Variants in PSTK observed in about 807,000 individuals in gnomAD.
PSTK encodes the protein L-seryl-tRNA(Sec) kinase.
Under a neutral mutation model 38.6 loss-of-function variants are expected in PSTK, and 26 were observed. That is an observed-to-expected ratio of 0.67 (90% CI 0.49 to 0.94). The LOEUF (loss-of-function observed/expected upper bound fraction) is 0.94. Among genes scored for constraint, PSTK ranks in the 40% least tolerant of loss-of-function variants. The pLI is 0.00. For synonymous variants in PSTK, 181 were observed against 161.7 expected, an observed-to-expected ratio of 1.12 and a Z score of -0.91; for missense variants, 445 against 436.3, an observed-to-expected ratio of 1.02 and a Z score of -0.18.
intron 5 of PSTK, among the ~76,000 whole-genome samples, chr10:122,988,242 T>C (rs977814521): frequency 6.6e-5 from 10 of 152,110 alleles, no homozygotes; most frequent in African/African-American, 2.4e-4. Context: ...CAAAAAATAG[T>C]TCCAGGAGTT....
At chr10:122,986,510 G>A in intron 4 of PSTK, 135 bp downstream of exon 4, 1 of 693,800 alleles carries the variant, frequency 1.4e-6, no homozygotes, top group South Asian at 1.7e-5. Context: ...AGCACTCACT[G>A]CTGACAGCTC....
At position 122,990,364 on chromosome 10, in the gene PSTK, G is replaced by A. The variant is rs1258394684; in HGVS notation, c.1068G>A (p.Lys356=). 5 of 1,448,048 alleles carry A rather than the reference G, an allele frequency of 3.5e-6. No homozygotes were observed. The highest frequency in any genetic ancestry group is 4.6e-6 in the Non-Finnish European group (5 of 1,094,872). 89.7% of individuals were successfully genotyped at this position (1,448,048 alleles called of 1,614,324 possible). Residue 356 remains lysine, a synonymous_variant, in exon 6 of 6, where the codon AAG becomes AAA. Transcript: ENST00000406217. ...ATATTGTACAGAAGTATTTTTCAAA[G>A]CAGCATTAAAATTTCTGAACTGCCA... The part of the protein sequence containing the change: ...KDNIVQKYFS[K]QH
chr10:122,983,319 TG>T lies in PSTK; in HGVS notation c.557del (p.Cys186PhefsTer19). The part of the protein sequence containing the change: ...QLFLDCPLET[C>X]LQRNGQRPQA... ...CTTTTTAGATTGTCCTCTTGAGACCTGTTTACAGAGGAATGGCCAGAGGCCA... is the reference window on the plus strand; with the variant it reads ...CTTTTTAGATTGTCCTCTTGAGACCTTTTACAGAGGAATGGCCAGAGGCCA... On this transcript the variant is annotated frameshift_variant, in exon 3 of 6. Transcript: ENST00000406217. LOFTEE classifies it high-confidence loss of function. 6.2e-7 allele frequency: 1 copy of T among 1,614,182 alleles called. No individual in the cohort carries two copies. Among genetic ancestry groups the T allele is most frequent in the Non-Finnish European group, 8.5e-7 (1 of 1,180,000 alleles).
chr10:122,980,781 T>A lies in PSTK; in HGVS notation c.216+86T>A, dbSNP rs914505115. The A allele has an allele frequency of 7.8e-7, 1 of 1,281,086 alleles. No individual in the cohort carries two copies. The highest frequency in any genetic ancestry group is 1.6e-5 in the African/African-American group (1 of 61,074). 79.4% of individuals were successfully genotyped at this position (1,281,086 alleles called of 1,614,324 possible). A position where few individuals can be genotyped will look rare whatever the true frequency, so the allele number is the denominator to read the frequency against. ...GGGGACACTCGCGTCCACGCGGTCC[T>A]GGGTGATTTGCCATGAGCGCCCATT... On this transcript the variant is annotated intron_variant, in intron 1 of 5. Transcript: ENST00000406217. The surrounding 1 kb of genome is among the most constrained non-coding windows in gnomAD (Gnocchi z 4.3).
intron 5 of PSTK, chr10:122,987,612 G>A (rs938827659): frequency 4.2e-6 from 6 of 1,432,074 alleles, no homozygotes; most frequent in Non-Finnish European, 5.6e-6. Flanking sequence ...GAAATATGTG[G>A]TAACTAGAGT....
Position 122,982,720 on chromosome 10 carries a change from T to C in PSTK, c.217-13T>C. On this transcript the variant is annotated splice_polypyrimidine_tract_variant and intron_variant, in intron 1 of 5. Coordinates refer to ENST00000406217, the MANE Select transcript of PSTK (RefSeq NM_001363531.2). ...TGGCCTAATATGAATTGCAATTCTTTGGTCTCTTGTAGCCATCCCAATGGA... is the reference window on the plus strand; with the variant it reads ...TGGCCTAATATGAATTGCAATTCTTCGGTCTCTTGTAGCCATCCCAATGGA... 1 of 1,611,828 alleles carries C rather than the reference T, an allele frequency of 6.2e-7. No homozygotes were observed. Among genetic ancestry groups the C allele is most frequent in the African/African-American group, 1.3e-5 (1 of 74,980 alleles).
In PSTK at chr10:122,980,455, G is replaced by C. The variant is rs1302243648; in HGVS notation, c.-25G>C. The C allele has an allele frequency of 6.4e-7, 1 of 1,567,722 alleles. No individual in the cohort carries two copies. The highest frequency in any genetic ancestry group is 8.6e-7 in the Non-Finnish European group (1 of 1,161,004). ...CGGTAGAGCGGAGACGACGCTCCCAGACTCCTCCGGTCTCCCCGGGCAGCA... is the reference window on the plus strand; with the variant it reads ...CGGTAGAGCGGAGACGACGCTCCCACACTCCTCCGGTCTCCCCGGGCAGCA... On this transcript the variant is annotated 5_prime_UTR_variant, in exon 1 of 6. Coordinates refer to ENST00000406217, the MANE Select transcript of PSTK (RefSeq NM_001363531.2). The surrounding 1 kb of genome is among the most constrained non-coding windows in gnomAD (Gnocchi z 4.3).
chr10:122,990,175 T>A lies in PSTK; in HGVS notation c.879T>A (p.Asp293Glu). 1 of 1,513,312 alleles carries A rather than the reference T, an allele frequency of 6.6e-7. No homozygotes were observed. Among genetic ancestry groups the A allele is most frequent in the Non-Finnish European group, 8.8e-7 (1 of 1,135,220 alleles). The allele number at this position is 1,513,312 out of a possible 1,614,324, so 93.7% of individuals were successfully genotyped here. Reference sequence around the variant, plus strand: ...TTTGAGAATATCTTTTTATTTTAGATGAACAAGTGCTTCCTCACAACTTGA... The same window carrying A: ...TTTGAGAATATCTTTTTATTTTAGAAGAACAAGTGCTTCCTCACAACTTGA... ...IVSQTMKEAK[D>E]EQVLPHNLKL... Residue 293 changes from aspartate to glutamate, a missense_variant and splice_region_variant, in exon 6 of 6, where the codon GAT becomes GAA. Asp to Glu is a conservative substitution (Grantham distance 45). Transcript: ENST00000406217.
intron 5 of PSTK, among the ~76,000 whole-genome samples, chr10:122,988,170 A>G (rs1301005177): frequency 6.6e-6 from 1 of 152,202 alleles, no homozygotes; most frequent in Non-Finnish European, 1.5e-5. Context: ...ATTAATGGGT[A>G]ACATTAATAA....
chr10:122,986,513 G>C, intron 4 of PSTK, 138 bp downstream of exon 4: 1 of 685,694 alleles, frequency 1.5e-6, no homozygotes, highest in Admixed American at 2.3e-5. Flanking sequence ...ACTCACTGCT[G>C]ACAGCTCATG....
Position 122,980,401 on chromosome 10 carries a change from G to A in PSTK, c.-79G>A. 2.1e-6 allele frequency: 3 copies of A among 1,396,540 alleles called. No individual in the cohort carries two copies. In the South Asian group the frequency reaches 4.4e-5, roughly 20 times the overall value. 86.5% of individuals were successfully genotyped at this position (1,396,540 alleles called of 1,614,324 possible). On this transcript the variant is annotated 5_prime_UTR_variant, in exon 1 of 6. Transcript: ENST00000406217. This position sits in a 1 kb window ranked among gnomAD's most constrained non-coding sequence, Gnocchi z 4.3. The stretch of plus-strand genomic sequence containing the variant: ...TTCCTCCACTGCGCCGGTAGGCGGC[G>A]GAGACGCTGCGCGTGCGCGCAGGGC...
At chr10:122,981,209 G>A (rs967581027) in intron 1 of PSTK, among the ~76,000 whole-genome samples, 3 of 152,178 alleles carry the variant, frequency 2.0e-5, no homozygotes, top group African/African-American at 7.2e-5. Context: ...CCCTCAGAAC[G>A]ATAGAAAGAG....
chr10:122,980,722 C>CGG lies in PSTK; in HGVS notation c.216+27_216+28insGG, dbSNP rs1848946033. The CGG allele has an allele frequency of 3.3e-5, 15 of 459,276 alleles. No individual in the cohort carries two copies. In the East Asian group the frequency reaches 2.5e-3, roughly 78 times the overall value. 28.5% of individuals were successfully genotyped at this position (459,276 alleles called of 1,614,324 possible). On this transcript the variant is annotated intron_variant, in intron 1 of 5. Transcript: ENST00000406217. This position sits in a 1 kb window ranked among gnomAD's most constrained non-coding sequence, Gnocchi z 4.3. ...TCAGCACGGAGGGGCGGGGCCTGGG[C>CGG]CGCGGGGCGGGGCGGGGCGGGGCGG... is the stretch of plus-strand genomic sequence containing the variant.
Position 122,990,387 on chromosome 10 carries a change from C to A in PSTK, c.*14C>A. 1 of 1,355,208 alleles carries A rather than the reference C, an allele frequency of 7.4e-7. No homozygotes were observed. The highest frequency in any genetic ancestry group is 9.9e-7 in the Non-Finnish European group (1 of 1,015,046). 83.9% of individuals were successfully genotyped at this position (1,355,208 alleles called of 1,614,324 possible). On this transcript the variant is annotated 3_prime_UTR_variant, in exon 6 of 6. Coordinates refer to ENST00000406217, the MANE Select transcript of PSTK (RefSeq NM_001363531.2). ...AAGCAGCATTAAAATTTCTGAACTG[C>A]CAATCAAATGTCTCATTTTGGTAAG...
In PSTK at chr10:122,980,605, G is replaced by A. The variant is rs763653147; in HGVS notation, c.126G>A (p.Leu42=). ...STFARALAHR[L]QQEQGWAIGV... ...TCGCGCGCGCCCTCGCCCACCGGCT[G>A]CAGCAGGAGCAGGGTTGGGCCATCG... is the stretch of plus-strand genomic sequence containing the variant. Residue 42 remains leucine (L), a synonymous_variant, in exon 1 of 6, where the codon CTG becomes CTA. Transcript: ENST00000406217. The surrounding 1 kb of genome is among the most constrained non-coding windows in gnomAD (Gnocchi z 4.3). 5 of 1,612,160 alleles carry A rather than the reference G, an allele frequency of 3.1e-6. No individual in the cohort carries two copies. Among genetic ancestry groups the A allele is most frequent in the Non-Finnish European group, 3.4e-6 (4 of 1,179,572 alleles).
intron 5 of PSTK, among the ~76,000 whole-genome samples, chr10:122,988,063 C>G (rs1464736594): frequency 1.3e-5 from 2 of 152,112 alleles, no homozygotes; most frequent in Admixed American, 6.6e-5. Flanking sequence ...AGTACACGAA[C>G]TCATGTGTGG....
At chr10:122,989,098 G>A (rs549855680) in intron 5 of PSTK, among the ~76,000 whole-genome samples, 1 of 145,882 alleles carries the variant, frequency 6.9e-6, no homozygotes, top group East Asian at 2.0e-4. Flanking sequence ...AAGACCAAGT[G>A]TATGTATACT....
chr10:122,980,639 G>A lies in PSTK; in HGVS notation c.160G>A (p.Ala54Thr), dbSNP rs1348077703. ...QEQGWAIGVVAYDDVMPDAFL... is the reference protein window; with the variant it reads ...QEQGWAIGVVTYDDVMPDAFL... ...GCAGGGTTGGGCCATCGGTGTTGTC[G>A]CGTATGATGACGTCATGCCCGACGC... Residue 54 changes from alanine to threonine, a missense_variant, in exon 1 of 6, where the codon GCG (alanine) becomes ACG (threonine). Coordinates refer to ENST00000406217, the MANE Select transcript of PSTK (RefSeq NM_001363531.2). The surrounding 1 kb of genome is among the most constrained non-coding windows in gnomAD (Gnocchi z 4.3). The A allele has an allele frequency of 6.2e-7, 1 of 1,611,116 alleles. No individual in the cohort carries two copies. The highest frequency in any genetic ancestry group is 8.5e-7 in the Non-Finnish European group (1 of 1,179,256).
Position 122,982,764 on chromosome 10 carries a change from T to C in PSTK, c.248T>C (p.Leu83Pro). Residue 83 changes from leucine to proline, a missense_variant, in exon 2 of 6, where the codon CTG (leucine) becomes CCG (proline). By Grantham distance (98) the Leu-to-Pro change is moderately conservative. Transcript: ENST00000406217. Reference protein sequence around the residue: ...PSQWKLLRQELLKYLEYFLMA... With the variant: ...PSQWKLLRQEPLKYLEYFLMA... ...CAATGGAAATTGCTTCGACAGGAACTGTTGAAGTACCTGGAATACTTCTTG... is the reference window on the plus strand; with the variant it reads ...CAATGGAAATTGCTTCGACAGGAACCGTTGAAGTACCTGGAATACTTCTTG... 6.2e-7 allele frequency: 1 copy of C among 1,614,234 alleles called. No individual in the cohort carries two copies. Among genetic ancestry groups the C allele is most frequent in the Non-Finnish European group, 8.5e-7 (1 of 1,180,026 alleles).
Sources: gnomAD v4.1 joint callset for allele counts (sites outside exome capture counted in the v4.1 genomes callset) on GRCh38, gnomAD v4.1.1 for gene constraint, Gnocchi (gnomAD v3.1) non-coding constraint, MANE v1.5 for transcripts, NCBI Gene and HGNC (gene_info 2026-07-23, HGNC 2026-07-21) for gene names.